The following L3MBTL4 variants were observed in gnomAD, a reference collection of about 807,000 sequenced individuals.
L3MBTL4 encodes the protein L3MBTL histone methyl-lysine binding protein 4, also known as lethal(3)malignant brain tumor-like protein 4.
A neutral mutation model predicts 84.5 loss-of-function variants in L3MBTL4; 70 were observed. The ratio of observed to expected loss-of-function variants is 0.83; its 90% CI spans 0.68 to 1.01. L3MBTL4 has a LOEUF of 1.01. Ranked by LOEUF, L3MBTL4 falls within the 50% of genes least tolerant of loss-of-function variation. L3MBTL4 has a pLI of 0.00. For synonymous variants in L3MBTL4, 274 were observed against 259.8 expected (o/e 1.05, Z -0.52); for missense variants, 715 against 754.8 (o/e 0.95, Z 0.62).
chr18:6,239,718 C>T lies in L3MBTL4; in HGVS notation c.707G>A (p.Trp236Ter), dbSNP rs1300027762. ...AATAAAACACACATTCATATCTCAC[C>T]AGTAATCGTAACTATCATCCCAGTT... ...FDNWDDSYDYWCDVNSPYVQP... is the reference protein window; with the variant it reads ...FDNWDDSYDY Residue 236 changes from tryptophan (W) to a stop codon, truncating the protein, a stop_gained and splice_region_variant, in exon 9 of 19, where the codon TGG (tryptophan) becomes TAG (stop). Coordinates refer to ENST00000317931, the MANE Select transcript of L3MBTL4 (RefSeq NM_001330559.2). LOFTEE classifies it high-confidence loss of function. 5 of 1,612,962 alleles carry T rather than the reference C, an allele frequency of 3.1e-6. No homozygotes were observed. In the East Asian group the frequency reaches 1.1e-4, roughly 36 times the overall value.
chr18:6,308,018 T>G (rs1483287601), intron 3 of L3MBTL4, among the ~76,000 whole-genome samples: 3 of 152,198 alleles, frequency 2.0e-5, no homozygotes, highest in African/African-American at 7.2e-5. Context: ...TAGACATCAA[T>G]GAAATCACCC....
At chr18:6,303,319 C>A (rs1331536452) in intron 3 of L3MBTL4, among the ~76,000 whole-genome samples, 1 of 152,068 alleles carries the variant, frequency 6.6e-6, no homozygotes, top group Admixed American at 6.5e-5. Context: ...TGGGGTTTCA[C>A]TATATTGGCC....
intron 1 of L3MBTL4, among the ~76,000 whole-genome samples, chr18:6,339,912 A>G (rs921272314): frequency 1.3e-5 from 2 of 152,202 alleles, no homozygotes; most frequent in African/African-American, 2.4e-5. Flanking sequence ...TGTCCATAAA[A>G]TAAATTGAAG....
chr18:6,190,619 G>A (rs1008850630), intron 12 of L3MBTL4, among the ~76,000 whole-genome samples: 9 of 152,092 alleles, frequency 5.9e-5, no homozygotes, highest in African/African-American at 2.2e-4. Flanking sequence ...TAGGCACCAG[G>A]GATATATCAG....
intron 16 of L3MBTL4, among the ~76,000 whole-genome samples, chr18:6,035,572 T>A (rs916586266): frequency 1.1e-4 from 16 of 152,206 alleles, no homozygotes; most frequent in Admixed American, 2.6e-4. Flanking sequence ...TAGTTTGAAG[T>A]CAGGTAGTGT....
At chr18:6,088,321 T>C (rs2058329199) in intron 15 of L3MBTL4, among the ~76,000 whole-genome samples, 1 of 152,194 alleles carries the variant, frequency 6.6e-6, no homozygotes, top group African/African-American at 2.4e-5. Flanking sequence ...CAAAATCTAT[T>C]TAACTTGTTG....
intron 5 of L3MBTL4, among the ~76,000 whole-genome samples, chr18:6,257,644 TC>T (rs1420774103): frequency 2.7e-5 from 4 of 148,830 alleles, no homozygotes; most frequent in Non-Finnish European, 5.9e-5. Context: ...TTTTTCTTTT[TC>T]TTTTTTTTTT....
chr18:5,960,312 G>A (rs2095257348), intron 17 of L3MBTL4, among the ~76,000 whole-genome samples, 156 bp from the exon 18 acceptor site: 1 of 152,152 alleles, frequency 6.6e-6, no homozygotes. Flanking sequence ...TGTCAACTCA[G>A]AAATTAGACC....
At chr18:6,133,332 A>ATC (rs2059930344) in intron 14 of L3MBTL4, among the ~76,000 whole-genome samples, 1 of 139,016 alleles carries the variant, frequency 7.2e-6, no homozygotes, top group South Asian at 2.2e-4. Context: ...ACAGCTCTAG[A>ATC]TCACACACAC....
At chr18:6,294,380 C>T (rs761467116) in intron 4 of L3MBTL4, among the ~76,000 whole-genome samples, 8 of 152,018 alleles carry the variant, frequency 5.3e-5, no homozygotes, top group East Asian at 1.9e-4. Context: ...TAGGTCTGAG[C>T]GAGCATTAAA....
chr18:6,328,822 C>T (rs1599658379), intron 1 of L3MBTL4, among the ~76,000 whole-genome samples: 1 of 152,180 alleles, frequency 6.6e-6, no homozygotes, highest in Non-Finnish European at 1.5e-5. Context: ...TCCAGCTTAG[C>T]TGGCAGGGAG....
intron 16 of L3MBTL4, among the ~76,000 whole-genome samples, chr18:6,033,650 CGTTTA>C (rs1217887240): frequency 2.6e-5 from 4 of 152,186 alleles, no homozygotes; most frequent in African/African-American, 7.2e-5. Context: ...CTCTCATTAA[CGTTTA>C]GTTGAGTTTT....
chr18:6,245,511 T>C (rs1229148920), intron 5 of L3MBTL4, among the ~76,000 whole-genome samples: 4 of 152,084 alleles, frequency 2.6e-5, no homozygotes, highest in East Asian at 3.9e-4. Context: ...TAGTAAAATA[T>C]ATCAATTATT....
intron 6 of L3MBTL4, 143 bp downstream of exon 6, chr18:6,244,341 T>C (rs541982262): frequency 6.0e-5 from 30 of 499,060 alleles, no homozygotes; most frequent in African/African-American, 4.8e-4. Context: ...CTAAGAAACA[T>C]AGTTTCACCC....
chr18:6,330,405 G>C (rs2051967690), intron 1 of L3MBTL4, among the ~76,000 whole-genome samples: 1 of 152,218 alleles, frequency 6.6e-6, no homozygotes, highest in Non-Finnish European at 1.5e-5. Flanking sequence ...CACAGTTCCA[G>C]AGGCTTCCAG....
In L3MBTL4 at chr18:6,190,019, G is replaced by A. The variant is rs184662052; in HGVS notation, c.982-18077C>T. Among the ~76,000 whole-genome samples the A allele has an allele frequency of 3.6e-3, 555 of 152,176 alleles. 1 individual carries two copies. The highest frequency in any genetic ancestry group is 5.1e-3 in the Non-Finnish European group (347 of 68,002). On this transcript the variant is annotated intron_variant, in intron 12 of 18. Transcript: ENST00000317931. ...ATGTGTAATGAATATCAACCCACAT[G>A]TTCAAGAAACGTAGTCAATCCCAAA... is the stretch of plus-strand genomic sequence containing the variant.
At chr18:6,330,433 C>T (rs545930584) in intron 1 of L3MBTL4, among the ~76,000 whole-genome samples, 2 of 152,228 alleles carry the variant, frequency 1.3e-5, no homozygotes, top group African/African-American at 4.8e-5. Flanking sequence ...TGGCTCGTGA[C>T]CCCTTCCTCC....
At chr18:6,094,291 G>A (rs2058558094) in intron 14 of L3MBTL4, among the ~76,000 whole-genome samples, 1 of 152,188 alleles carries the variant, frequency 6.6e-6, no homozygotes, top group African/African-American at 2.4e-5. Context: ...GCCGCTGCTA[G>A]AAATGAGGTT....
chr18:6,154,683 T>G (rs2043030490), intron 13 of L3MBTL4, among the ~76,000 whole-genome samples: 1 of 152,166 alleles, frequency 6.6e-6, no homozygotes, highest in African/African-American at 2.4e-5. Context: ...AGTTCAGTGA[T>G]GGAGGTAATC....
Sources: gnomAD v4.1 joint callset for allele counts (sites outside exome capture counted in the v4.1 genomes callset) on GRCh38, gnomAD v4.1.1 for gene constraint, MANE v1.5 for transcripts, NCBI Gene and HGNC (gene_info 2026-07-23, HGNC 2026-07-21) for gene names.